The following CNTN5 variants were observed in gnomAD, a reference collection of about 807,000 sequenced individuals.
CNTN5 encodes contactin 5, also known as contactin-5.
Under a neutral mutation model 129.1 loss-of-function variants are expected in CNTN5, and 77 were observed. The ratio of observed to expected loss-of-function variants is 0.60; its 90% CI spans 0.50 to 0.72. The LOEUF (loss-of-function observed/expected upper bound fraction) is 0.72, where lower values mean the gene tolerates loss of function less well. Among genes scored for constraint, CNTN5 ranks in the 30% least tolerant of loss-of-function variants. CNTN5 has a pLI of 0.00. For missense variants in CNTN5, 1,478 were observed against 1,328.8 expected (o/e 1.11, Z -1.75); for synonymous variants, 509 against 465.6 (o/e 1.09, Z -1.20).
intron 12 of CNTN5, among the ~76,000 whole-genome samples, chr11:100,073,825 T>A (rs1944023125): frequency 6.6e-6 from 1 of 152,138 alleles, no homozygotes; most frequent in Non-Finnish European, 1.5e-5. Flanking sequence ...ACTCTGTCAG[T>A]TAGCCTTTTG....
intron 21 of CNTN5, among the ~76,000 whole-genome samples, chr11:100,318,083 T>C (rs1433100963): frequency 6.6e-6 from 1 of 151,676 alleles, no homozygotes; most frequent in Non-Finnish European, 1.5e-5. Context: ...CTACTAAAAA[T>C]ACAAAAAATT....
chr11:99,636,327 A>C (rs673798), intron 3 of CNTN5, among the ~76,000 whole-genome samples: 9 of 151,840 alleles, frequency 5.9e-5, no homozygotes, highest in Non-Finnish European at 1.3e-4. Context: ...ATATTTAGAC[A>C]TAGTTTGACA....
intron 1 of CNTN5, among the ~76,000 whole-genome samples, chr11:99,029,806 C>T (rs1403363070): frequency 6.6e-6 from 1 of 151,992 alleles, no homozygotes; most frequent in Non-Finnish European, 1.5e-5. Flanking sequence ...TCAGTTTTTC[C>T]CTTTACTGTG....
intron 9 of CNTN5, among the ~76,000 whole-genome samples, chr11:100,017,133 C>T (rs1342416513): frequency 6.6e-6 from 1 of 151,790 alleles, no homozygotes; most frequent in Non-Finnish European, 1.5e-5. Context: ...TTATTTATGG[C>T]CTTTTTCTCA....
chr11:99,113,041 C>T (rs1857875365), intron 1 of CNTN5, among the ~76,000 whole-genome samples: 1 of 151,986 alleles, frequency 6.6e-6, no homozygotes, highest in Non-Finnish European at 1.5e-5. Flanking sequence ...CGAAAGGCAA[C>T]CGTATTAATG....
chr11:100,172,994 G>A (rs976838633), intron 13 of CNTN5, among the ~76,000 whole-genome samples: 5 of 152,156 alleles, frequency 3.3e-5, no homozygotes, highest in African/African-American at 1.2e-4. Context: ...GATGAATCCT[G>A]ATGAGAGTCT....
At chr11:99,437,056 C>T (rs79387113) in intron 2 of CNTN5, among the ~76,000 whole-genome samples, 7 of 152,282 alleles carry the variant, frequency 4.6e-5, no homozygotes, top group African/African-American at 1.2e-4. Flanking sequence ...AGGCATCTCA[C>T]GTATAAATGT....
intron 8 of CNTN5, among the ~76,000 whole-genome samples, chr11:99,972,122 G>T (rs1375656474): frequency 1.3e-5 from 2 of 149,558 alleles, no homozygotes; most frequent in Non-Finnish European, 3.0e-5. Context: ...TTAGCCGGGC[G>T]TGGTGGCGGG....
intron 13 of CNTN5, among the ~76,000 whole-genome samples, chr11:100,158,244 C>T (rs945911523): frequency 6.6e-6 from 1 of 151,776 alleles, no homozygotes; most frequent in Non-Finnish European, 1.5e-5. Context: ...ATCAGGGTTA[C>T]TGGAAATGGA....
At position 99,518,744 on chromosome 11, in the gene CNTN5, ATCT is replaced by A. The variant is rs201403250; in HGVS notation, c.-70-37393_-70-37391del. On this transcript the variant is annotated intron_variant, in intron 2 of 24. Transcript: ENST00000524871. ...CAGAGAATTTGAAATCATTCCTAAT[ATCT>A]TCTTCTTTTCATATTTAATTTCCCA... Among the ~76,000 whole-genome samples, 228 of 152,176 alleles carry A rather than the reference ATCT, an allele frequency of 1.5e-3. 2 individuals carry two copies. The East Asian group carries it at 0.041, about 27-fold the overall frequency.
intron 13 of CNTN5, among the ~76,000 whole-genome samples, chr11:100,163,341 T>G (rs528758233): frequency 8.6e-5 from 13 of 151,772 alleles, no homozygotes; most frequent in Non-Finnish European, 1.8e-4. Flanking sequence ...CTGTTTTGTT[T>G]TACATTATGC....
At chr11:100,055,645 T>G (rs747441667) in intron 9 of CNTN5, among the ~76,000 whole-genome samples, 14 of 151,670 alleles carry the variant, frequency 9.2e-5, no homozygotes, top group Admixed American at 3.3e-4. Flanking sequence ...TTGCTGCTGT[T>G]GAAAAGCCAG....
chr11:99,661,684 C>T (rs554588610), intron 3 of CNTN5, among the ~76,000 whole-genome samples: 1 of 151,640 alleles, frequency 6.6e-6, no homozygotes, highest in African/African-American at 2.4e-5. Context: ...ACATCATACA[C>T]ACATATATAC....
chr11:100,230,671 T>C (rs892766437), intron 16 of CNTN5, among the ~76,000 whole-genome samples: 4 of 152,142 alleles, frequency 2.6e-5, no homozygotes, highest in African/African-American at 9.7e-5. Flanking sequence ...CAATACAAAC[T>C]AAATCTCTTG....
intron 18 of CNTN5, among the ~76,000 whole-genome samples, chr11:100,281,996 A>ATTTTTTTTTTTTT (rs34162956): frequency 8.1e-6 from 1 of 123,164 alleles, no homozygotes; most frequent in African/African-American, 2.9e-5. Flanking sequence ...TTGGCATTCT[A>ATTTTTTTTTTTTT]TTTTTTTTTT....
rs1347559057 is a variant in CNTN5 at position 99,035,563 on chromosome 11, G to A, written c.-210+14293G>A. Reference sequence around the variant, plus strand: ...CTCTTTTGATCTTTGTTGGTTTAAAGTCTGTTTTATCAGAGACTAGGATTG... The same window carrying A: ...CTCTTTTGATCTTTGTTGGTTTAAAATCTGTTTTATCAGAGACTAGGATTG... On this transcript the variant is annotated intron_variant, in intron 1 of 24. Coordinates refer to ENST00000524871, the MANE Select transcript of CNTN5 (RefSeq NM_014361.4). Among the ~76,000 whole-genome samples the A allele has an allele frequency of 3.6e-3, 533 of 147,622 alleles. 3 individuals are homozygous for A. The highest frequency in any genetic ancestry group is 5.3e-3 in the Non-Finnish European group (349 of 66,462).
At chr11:100,017,534 A>T (rs1038673012) in intron 9 of CNTN5, among the ~76,000 whole-genome samples, 2 of 151,960 alleles carry the variant, frequency 1.3e-5, no homozygotes, top group Non-Finnish European at 2.9e-5. Context: ...GATAGACTAA[A>T]ATTGGCATAT....
chr11:99,979,518 T>C (rs1240998825), intron 8 of CNTN5, among the ~76,000 whole-genome samples: 1 of 152,194 alleles, frequency 6.6e-6, no homozygotes, highest in African/African-American at 2.4e-5. Flanking sequence ...TCATCTTTTA[T>C]GTTTTTGTGT....
intron 3 of CNTN5, among the ~76,000 whole-genome samples, chr11:99,787,796 C>T (rs940668153): frequency 6.6e-6 from 1 of 151,920 alleles, no homozygotes; most frequent in Non-Finnish European, 1.5e-5. Context: ...TAATACACAA[C>T]TTAAAATCTC....
Sources: allele counts gnomAD v4.1 joint callset (sites outside exome capture counted in the v4.1 genomes callset), GRCh38; gene constraint gnomAD v4.1.1; transcripts MANE v1.5; gene names NCBI Gene and HGNC (gene_info 2026-07-23, HGNC 2026-07-21).